TPST1: variants seen among roughly 807,000 people sequenced by gnomAD.
TPST1 encodes protein-tyrosine sulfotransferase 1.
Under a neutral mutation model 34.8 loss-of-function variants are expected in TPST1, and 20 were observed. That is an observed-to-expected ratio of 0.57 (90% CI 0.40 to 0.84). The LOEUF is 0.84. Among genes scored for constraint, TPST1 ranks in the 40% least tolerant of loss-of-function variants. The probability of loss-of-function intolerance (pLI) is 0.00; values close to 1 mark genes in which losing one functional copy is unlikely to be tolerated. For synonymous variants in TPST1, 152 were observed against 159.4 expected (o/e 0.95, Z 0.35); for missense variants, 353 against 455.5 (o/e 0.78, Z 2.05).
chr7:66,344,915 G>A (rs1391739961), intron 3 of TPST1, among the ~76,000 whole-genome samples: 9 of 149,632 alleles, frequency 6.0e-5, no homozygotes, highest in African/African-American at 1.7e-4. Context: ...TAGTAGAGAC[G>A]GGGTTTCACC....
intron 5 of TPST1, among the ~76,000 whole-genome samples, chr7:66,358,247 C>A (rs1279091991): frequency 6.6e-6 from 1 of 151,040 alleles, no homozygotes; most frequent in Non-Finnish European, 1.5e-5. Flanking sequence ...GACTTCGTCT[C>A]AAAAATAAAT....
chr7:66,249,852 A>G (rs2115598784), intron 2 of TPST1, among the ~76,000 whole-genome samples: 1 of 152,232 alleles, frequency 6.6e-6, no homozygotes, highest in South Asian at 2.1e-4. Context: ...TGACCAACTC[A>G]TGGTTGTATT....
intron 5 of TPST1, 83 bp downstream of exon 5, chr7:66,356,954 C>CA (rs2116409120): frequency 1.4e-6 from 2 of 1,401,870 alleles, no homozygotes; most frequent in African/African-American, 2.8e-5. Flanking sequence ...GTGGAGAGCA[C>CA]AGCTCTGGAG....
chr7:66,279,072 C>T (rs1790880881), intron 2 of TPST1, among the ~76,000 whole-genome samples: 1 of 152,106 alleles, frequency 6.6e-6, no homozygotes, highest in Non-Finnish European at 1.5e-5. Context: ...TTTTTCGATC[C>T]TCACCTTCCT....
intron 3 of TPST1, among the ~76,000 whole-genome samples, chr7:66,341,530 C>T (rs1159557614): frequency 1.3e-5 from 2 of 152,254 alleles, no homozygotes; most frequent in South Asian, 2.1e-4. Context: ...CCACCTGCCT[C>T]GGCCTCCCAA....
rs553183412 is a variant in TPST1, at chr7:66,268,931, C to T, written c.846-17580C>T. Among the ~76,000 whole-genome samples the T allele has an allele frequency of 3.3e-4, 51 of 152,282 alleles. 1 individual carries two copies. In the Middle Eastern group the frequency reaches 0.02, roughly 61 times the overall value. On this transcript the variant is annotated intron_variant, in intron 2 of 5. Coordinates refer to ENST00000304842, the MANE Select transcript of TPST1 (RefSeq NM_003596.4). Reference sequence around the variant, plus strand: ...CTCCTGACTTCAGGTGATCCGCCTGCCTTGGCCTCCCAAAGTGCTGAGGTT... The same window carrying T: ...CTCCTGACTTCAGGTGATCCGCCTGTCTTGGCCTCCCAAAGTGCTGAGGTT...
chr7:66,282,289 G>T (rs1316422772), intron 2 of TPST1, among the ~76,000 whole-genome samples: 1 of 152,050 alleles, frequency 6.6e-6, no homozygotes, highest in Non-Finnish European at 1.5e-5. Context: ...ACAAAAGTTG[G>T]CAAACTTTTT....
chr7:66,217,450 CTCTT>C (rs1302105353), intron 1 of TPST1, among the ~76,000 whole-genome samples: 1 of 151,806 alleles, frequency 6.6e-6, no homozygotes, highest in African/African-American at 2.4e-5. Context: ...TCTTTTTTGT[CTCTT>C]TTGTGGTAAC....
At chr7:66,207,257 T>A (rs1282617732) in intron 1 of TPST1, among the ~76,000 whole-genome samples, 1 of 152,218 alleles carries the variant, frequency 6.6e-6, no homozygotes, top group African/African-American at 2.4e-5. Context: ...ATCTTTACCA[T>A]TTTTCTCTGA....
upstream of TPST1, among the ~76,000 whole-genome samples, chr7:66,201,678 G>A (rs1195265316): frequency 5.3e-5 from 8 of 151,526 alleles, no homozygotes; most frequent in Admixed American, 1.3e-4. Context: ...GCAACAGAGC[G>A]AGACTCTGTC....
At chr7:66,352,637 T>G (rs895969407) in intron 4 of TPST1, 82 bp downstream of exon 4, 10 of 1,569,220 alleles carry the variant, frequency 6.4e-6, no homozygotes, top group Non-Finnish European at 8.6e-6. Context: ...ATAATGAAAT[T>G]AAAAAGACAG....
chr7:66,300,665 G>T (rs972785990), intron 3 of TPST1, among the ~76,000 whole-genome samples: 5 of 152,096 alleles, frequency 3.3e-5, no homozygotes, highest in African/African-American at 1.2e-4. Flanking sequence ...TCTTGACAGG[G>T]CCAGGTGCAG....
At chr7:66,222,510 C>A (rs762345218) in intron 1 of TPST1, among the ~76,000 whole-genome samples, 12 of 152,078 alleles carry the variant, frequency 7.9e-5, no homozygotes, top group Non-Finnish European at 1.6e-4. Context: ...GTGAGGTAAA[C>A]TAACCACAAT....
chr7:66,305,058 A>G (rs1248069242), intron 3 of TPST1, among the ~76,000 whole-genome samples: 2 of 152,128 alleles, frequency 1.3e-5, no homozygotes, highest in African/African-American at 4.8e-5. Context: ...GCCTCAAGCA[A>G]TCCTGTTGCC....
chr7:66,311,131 C>CTT (rs200392067), intron 3 of TPST1, among the ~76,000 whole-genome samples: 1 of 149,978 alleles, frequency 6.7e-6, no homozygotes, highest in South Asian at 2.1e-4. Context: ...AGTATTTTGT[C>CTT]TTTTTTTTGT....
At chr7:66,215,201 C>T (rs907722421) in intron 1 of TPST1, among the ~76,000 whole-genome samples, 17 of 148,876 alleles carry the variant, frequency 1.1e-4, no homozygotes, top group East Asian at 3.9e-4. Flanking sequence ...ACTACAGGCA[C>T]GTGCCACCAA....
At chr7:66,333,169 T>C (rs896761650) in intron 3 of TPST1, among the ~76,000 whole-genome samples, 1 of 152,214 alleles carries the variant, frequency 6.6e-6, no homozygotes, top group Non-Finnish European at 1.5e-5. Context: ...TGGAATTAAT[T>C]ATACCTCACT....
At chr7:66,354,677 A>G (rs1036895017) in intron 4 of TPST1, among the ~76,000 whole-genome samples, 1 of 151,926 alleles carries the variant, frequency 6.6e-6, no homozygotes, top group African/African-American at 2.4e-5. Context: ...GCACACCTAA[A>G]TGTGAAAGGC....
rs561107417 is a variant in TPST1, at chr7:66,215,272, C to T, written c.-102+9750C>T. Among the ~76,000 whole-genome samples, 16 of 150,190 alleles carry T rather than the reference C, an allele frequency of 1.1e-4. No individual in the cohort carries two copies. The East Asian group carries it at 3.1e-3, about 29-fold the overall frequency. Reference sequence around the variant, plus strand: ...GTTTCACCATGTTGGCCAGGATGGTCTCCATCTCTTGACCTCATGATCTGC... The same window carrying T: ...GTTTCACCATGTTGGCCAGGATGGTTTCCATCTCTTGACCTCATGATCTGC... On this transcript the variant is annotated intron_variant, in intron 1 of 5. Coordinates refer to ENST00000304842, the MANE Select transcript of TPST1 (RefSeq NM_003596.4).
Sources: allele counts gnomAD v4.1 joint callset (sites outside exome capture counted in the v4.1 genomes callset), GRCh38; gene constraint gnomAD v4.1.1; transcripts MANE v1.5; gene names NCBI Gene and HGNC (gene_info 2026-07-23, HGNC 2026-07-21).